Variants in GRID1 observed in about 807,000 individuals in gnomAD.
The protein encoded by GRID1 is glutamate ionotropic receptor delta type subunit 1, also known as glutamate receptor ionotropic, delta-1.
GRID1 carries 28 observed loss-of-function variants against 98.0 expected under a neutral mutation model. That is an observed-to-expected ratio of 0.29 (90% confidence interval 0.21 to 0.39). GRID1 has a LOEUF of 0.39. Among genes scored for constraint, GRID1 ranks in the 10% least tolerant of loss-of-function variants. GRID1 has a pLI of 1.00. For synonymous variants in GRID1, 553 were observed against 538.5 expected (o/e 1.03, Z -0.37); for missense variants, 1,111 against 1,340.5 (o/e 0.83, Z 2.67).
At chr10:86,033,781 T>G (rs1843218497) in intron 4 of GRID1, among the ~76,000 whole-genome samples, 1 of 152,168 alleles carries the variant, frequency 6.6e-6, no homozygotes, top group Non-Finnish European at 1.5e-5. Flanking sequence ...CCTAACAAGA[T>G]GGAAATGGTA....
At chr10:85,660,942 A>G (rs1246898392) in intron 12 of GRID1, among the ~76,000 whole-genome samples, 3 of 152,148 alleles carry the variant, frequency 2.0e-5, no homozygotes, top group Admixed American at 1.3e-4. Context: ...GTTCTCATCT[A>G]CACAACAGGA....
At chr10:85,806,480 C>T (rs1327791880) in intron 8 of GRID1, among the ~76,000 whole-genome samples, 7 of 151,966 alleles carry the variant, frequency 4.6e-5, no homozygotes, top group South Asian at 2.1e-4. Context: ...TTAAAGCATA[C>T]GTCCCCATCC....
chr10:85,733,322 G>T (rs1841845424), intron 8 of GRID1, among the ~76,000 whole-genome samples: 1 of 152,130 alleles, frequency 6.6e-6, no homozygotes, highest in South Asian at 2.1e-4. Context: ...TCAGGCTCTT[G>T]GGCTAGACCT....
intron 5 of GRID1, among the ~76,000 whole-genome samples, chr10:85,911,017 C>A (rs1841529905): frequency 6.6e-6 from 1 of 152,056 alleles, no homozygotes; most frequent in Admixed American, 6.5e-5. Context: ...AGTCACTCAT[C>A]CATTTGCAGG....
At chr10:86,090,658 A>G (rs1427968128) in intron 4 of GRID1, among the ~76,000 whole-genome samples, 1 of 152,202 alleles carries the variant, frequency 6.6e-6, no homozygotes, top group African/African-American at 2.4e-5. Context: ...GCAGGTCAAG[A>G]CTGCAGGTCT....
intron 2 of GRID1, among the ~76,000 whole-genome samples, chr10:86,316,644 G>A (rs961801452): frequency 4.6e-5 from 7 of 152,192 alleles, no homozygotes; most frequent in African/African-American, 1.7e-4. Context: ...AGACAGCAAG[G>A]GGTACCTAGC....
chr10:86,335,719 C>T (rs1848212505), intron 2 of GRID1, among the ~76,000 whole-genome samples: 1 of 152,250 alleles, frequency 6.6e-6, no homozygotes, highest in Admixed American at 6.5e-5. Flanking sequence ...ACAGCAGGCC[C>T]TTGACAAACA....
At chr10:86,324,954 G>A (rs1442500842) in intron 2 of GRID1, among the ~76,000 whole-genome samples, 1 of 151,844 alleles carries the variant, frequency 6.6e-6, no homozygotes, top group East Asian at 1.9e-4. Flanking sequence ...AATTCAAGGT[G>A]GAAGCACTCA....
chr10:86,236,833 C>T (rs748848835), intron 2 of GRID1, among the ~76,000 whole-genome samples: 4 of 152,290 alleles, frequency 2.6e-5, no homozygotes, highest in African/African-American at 4.8e-5. Context: ...AAGGGCTACA[C>T]GCCTGACCCA....
intron 2 of GRID1, among the ~76,000 whole-genome samples, chr10:86,353,147 C>G (rs1041955030): frequency 6.6e-6 from 1 of 152,184 alleles, no homozygotes; most frequent in Non-Finnish European, 1.5e-5. Context: ...GCGACCAAGT[C>G]CCTCCCTCCC....
At chr10:86,211,914 G>A (rs1589412735) in intron 2 of GRID1, among the ~76,000 whole-genome samples, 1 of 152,138 alleles carries the variant, frequency 6.6e-6, no homozygotes, top group East Asian at 1.9e-4. Context: ...GGCACCTCCC[G>A]GCTCAGTGCA....
chr10:85,941,685 G>A (rs1447434333), intron 4 of GRID1, among the ~76,000 whole-genome samples: 1 of 152,184 alleles, frequency 6.6e-6, no homozygotes, highest in Admixed American at 6.5e-5. Flanking sequence ...ATGTTTTTCT[G>A]TGCCTATCTA....
intron 3 of GRID1, among the ~76,000 whole-genome samples, chr10:86,161,788 T>C (rs1461715537): frequency 6.6e-6 from 1 of 152,140 alleles, no homozygotes; most frequent in East Asian, 1.9e-4. Flanking sequence ...GTGGTCACAA[T>C]GGAACTGGAT....
At chr10:85,753,882 T>C (rs888395026) in intron 8 of GRID1, among the ~76,000 whole-genome samples, 1 of 152,232 alleles carries the variant, frequency 6.6e-6, no homozygotes, top group Non-Finnish European at 1.5e-5. Context: ...TTTCATTAGC[T>C]GTAGTTTAAG....
intron 13 of GRID1, among the ~76,000 whole-genome samples, chr10:85,638,710 A>C (rs1417120099): frequency 1.3e-5 from 2 of 152,236 alleles, no homozygotes; most frequent in Non-Finnish European, 2.9e-5. Flanking sequence ...TCCAGAATAC[A>C]TAAATTAATG....
intron 2 of GRID1, among the ~76,000 whole-genome samples, chr10:86,235,507 A>T (rs1013470534): frequency 1.3e-5 from 2 of 152,118 alleles, no homozygotes; most frequent in African/African-American, 4.8e-5. Flanking sequence ...CAATATTTCC[A>T]TACACCCCAA....
intron 2 of GRID1, among the ~76,000 whole-genome samples, chr10:86,246,784 C>G (rs1425809150): frequency 6.6e-6 from 1 of 152,068 alleles, no homozygotes; most frequent in Non-Finnish European, 1.5e-5. Flanking sequence ...AGCCACCTCT[C>G]CAAAGCCAAC....
chr10:86,256,620 A>G (rs1356891107), intron 2 of GRID1, among the ~76,000 whole-genome samples: 1 of 152,076 alleles, frequency 6.6e-6, no homozygotes, highest in Non-Finnish European at 1.5e-5. Flanking sequence ...CTCTCTTCAT[A>G]TATGTATATA....
intron 4 of GRID1, among the ~76,000 whole-genome samples, chr10:86,075,083 G>T (rs966545091): frequency 4.7e-5 from 7 of 148,720 alleles, no homozygotes; most frequent in African/African-American, 1.5e-4. Flanking sequence ...TGGGAGGAGA[G>T]TCCAGCTCAA....
Sources: gnomAD v4.1 joint callset for allele counts (sites outside exome capture counted in the v4.1 genomes callset) on GRCh38, gnomAD v4.1.1 for gene constraint, MANE v1.5 for transcripts, NCBI Gene and HGNC (gene_info 2026-07-23, HGNC 2026-07-21) for gene names.